CAMK2B: variants seen among roughly 807,000 people sequenced by gnomAD.
The protein encoded by CAMK2B is calcium/calmodulin dependent protein kinase II beta.
In CAMK2B, 27 loss-of-function variants were observed where a neutral mutation model predicts 93.7. The observed-to-expected ratio is 0.29, with a 90% CI of 0.21 to 0.40. The LOEUF is 0.40. Ranked by LOEUF, CAMK2B falls within the 10% of genes least tolerant of loss-of-function variation. CAMK2B has a pLI of 1.00. For missense variants in CAMK2B, 568 were observed against 895.8 expected, an observed-to-expected ratio of 0.63 and a Z score of 4.67; for synonymous variants, 374 against 358.8, an observed-to-expected ratio of 1.04 and a Z score of -0.48.
chr7:44,253,370 C>A lies in CAMK2B; in HGVS notation c.341+1172G>T, dbSNP rs1005650691. 3.3e-5 allele frequency among the ~76,000 whole-genome samples: 5 copies of A among 151,986 alleles called. No homozygotes were observed. The South Asian group carries it at 1.0e-3, about 32-fold the overall frequency. ...CTGGGATTACAGGCATGCGCCACCACGCCCGGCTAATTTTGTATTTTTAGT... is the reference window on the plus strand; with the variant it reads ...CTGGGATTACAGGCATGCGCCACCAAGCCCGGCTAATTTTGTATTTTTAGT... On this transcript the variant is annotated intron_variant, in intron 5 of 23. Transcript: ENST00000395749.
At chr7:44,264,739 A>C (rs1488985475) in intron 2 of CAMK2B, among the ~76,000 whole-genome samples, 1 of 152,134 alleles carries the variant, frequency 6.6e-6, no homozygotes, top group Non-Finnish European at 1.5e-5. Flanking sequence ...CTCCCACTGA[A>C]GTGGGAGCTG....
In CAMK2B at chr7:44,226,540, T is replaced by G; in HGVS notation, c.1573A>C (p.Ile525Leu). Residue 525 changes from isoleucine to leucine, a missense_variant, in exon 20 of 24, where the codon ATC (isoleucine) becomes CTC (leucine). By Grantham distance (5) the Ile-to-Leu change is conservative. Transcript: ENST00000395749. Reference sequence around the variant, plus strand: ...CATGGGGTGGGCAGGGGGCCAGGGATAGTCGGAGATGGGCAGGGCGGGGGC... The same window carrying G: ...CATGGGGTGGGCAGGGGGCCAGGGAGAGTCGGAGATGGGCAGGGCGGGGGC... ...VGPPPCPSPTIPGPLPTPSRK... is the reference protein window; with the variant it reads ...VGPPPCPSPTLPGPLPTPSRK... The G allele has an allele frequency of 1.4e-6, 2 of 1,467,020 alleles. No homozygotes were observed. The highest frequency in any genetic ancestry group is 1.8e-6 in the Non-Finnish European group (2 of 1,112,440). The allele number at this position is 1,467,020 out of a possible 1,614,324, so 90.9% of individuals were successfully genotyped here.
chr7:44,324,723 C>T (rs1215604655), intron 1 of CAMK2B, among the ~76,000 whole-genome samples: 1 of 152,190 alleles, frequency 6.6e-6, no homozygotes, highest in Non-Finnish European at 1.5e-5. Flanking sequence ...CTGATCCAGG[C>T]TCCCTGACCT....
Position 44,271,536 on chromosome 7 carries a change from G to C in CAMK2B, c.161-8472C>G, listed in dbSNP as rs891851678. ...ACAGAAAAGTGGGCATTGGCTGTGG[G>C]GTGGGGCAGGCAGAGGCCAGCTCAC... is the stretch of plus-strand genomic sequence containing the variant. On this transcript the variant is annotated intron_variant, in intron 2 of 23. Transcript: ENST00000395749. The surrounding 1 kb of genome is among the most constrained non-coding windows in gnomAD (Gnocchi z 4.2). Among the ~76,000 whole-genome samples the C allele has an allele frequency of 1.3e-5, 2 of 152,222 alleles. No homozygotes were observed. The highest frequency in any genetic ancestry group is 4.8e-5 in the African/African-American group (2 of 41,456).
intron 2 of CAMK2B, among the ~76,000 whole-genome samples, chr7:44,282,371 G>A (rs1379210904): frequency 1.3e-5 from 2 of 152,226 alleles, no homozygotes; most frequent in Non-Finnish European, 2.9e-5. Flanking sequence ...GCAGTCACAG[G>A]GCAGAAGGGA....
intron 18 of CAMK2B, 168 bp from the exon 19 acceptor site, chr7:44,229,092 G>A: frequency 1.4e-6 from 1 of 735,602 alleles, no homozygotes; most frequent in South Asian, 1.5e-5. Context: ...CCGCCCGCAA[G>A]CTGAGGTGGA....
intron 1 of CAMK2B, among the ~76,000 whole-genome samples, chr7:44,322,363 A>AC (rs1796324799): frequency 6.6e-6 from 1 of 152,258 alleles, no homozygotes; most frequent in Non-Finnish European, 1.5e-5. Flanking sequence ...GAAATGGGTT[A>AC]CTTAATATTT....
chr7:44,313,056 T>TC (rs1793966771), intron 1 of CAMK2B, among the ~76,000 whole-genome samples: 1 of 151,970 alleles, frequency 6.6e-6, no homozygotes, highest in African/African-American at 2.4e-5. Context: ...CTGGTGCGCT[T>TC]CCTCAGCAGC....
intron 5 of CAMK2B, among the ~76,000 whole-genome samples, chr7:44,247,911 C>T (rs2096746923): frequency 6.6e-6 from 1 of 152,084 alleles, no homozygotes; most frequent in South Asian, 2.1e-4. Flanking sequence ...GGCTGTAATC[C>T]CAGCTACTCA....
chr7:44,297,756 A>T (rs987189070), intron 1 of CAMK2B, among the ~76,000 whole-genome samples: 3 of 152,216 alleles, frequency 2.0e-5, no homozygotes, highest in African/African-American at 7.2e-5. Flanking sequence ...ATCTCCAGGG[A>T]CAAAAAAATG....
chr7:44,238,894 G>A (rs550141742), intron 13 of CAMK2B, among the ~76,000 whole-genome samples: 1 of 146,206 alleles, frequency 6.8e-6, no homozygotes, highest in African/African-American at 2.5e-5. Flanking sequence ...ATGGTCACAA[G>A]CCAGCAGGTG....
At chr7:44,239,691 GA>G in intron 12 of CAMK2B, 28 bp from the exon 13 acceptor site, 1 of 1,215,156 alleles carries the variant, frequency 8.2e-7, no homozygotes, top group Non-Finnish European at 1.1e-6. Context: ...GAGACGAGGG[GA>G]AGGGAGGGGT....
rs1361072740 is a variant in CAMK2B, at chr7:44,271,278, C to T, written c.161-8214G>A. The stretch of plus-strand genomic sequence containing the variant: ...AAACACCAGCCAGGCACACTCTGCA[C>T]CCTGCCTGGTACCAACACACTTAAC... On this transcript the variant is annotated intron_variant, in intron 2 of 23. Transcript: ENST00000395749. This position sits in a 1 kb window ranked among gnomAD's most constrained non-coding sequence, Gnocchi z 4.2. Among the ~76,000 whole-genome samples, 1 of 152,202 alleles carries T rather than the reference C, an allele frequency of 6.6e-6. No homozygotes were observed. Among genetic ancestry groups the T allele is most frequent in the Admixed American group, 6.5e-5 (1 of 15,282 alleles).
At chr7:44,267,150 GGACCTCACCCCATCAAGAGGA>G (rs1302184423) in intron 2 of CAMK2B, 1 of 152,222 alleles carries the variant, frequency 6.6e-6, no homozygotes, top group Non-Finnish European at 1.5e-5. Flanking sequence ...GACCTCCAGG[GGACCTCACCCCATCAAGAGGA>G]GACCCCTCTG....
intron 13 of CAMK2B, 22 bp from the exon 14 acceptor site, chr7:44,234,698 G>C: frequency 6.2e-7 from 1 of 1,613,654 alleles, no homozygotes; most frequent in African/African-American, 1.3e-5. Flanking sequence ...GGAGGAAGAA[G>C]GTATGGTGAG....
chr7:44,312,121 G>C lies in CAMK2B; in HGVS notation c.65+13236C>G, dbSNP rs567141207. Among the ~76,000 whole-genome samples, 1 of 152,226 alleles carries C rather than the reference G, an allele frequency of 6.6e-6. No individual in the cohort carries two copies. Among genetic ancestry groups the C allele is most frequent in the East Asian group, 1.9e-4 (1 of 5,194 alleles). On this transcript the variant is annotated intron_variant, in intron 1 of 23. Transcript: ENST00000395749. This position sits in a 1 kb window ranked among gnomAD's most constrained non-coding sequence, Gnocchi z 4.1. ...CCCACATTTACCCCAGGGCAGTGAG[G>C]CCACAGAAACAGCACTGGAGTCACA...
chr7:44,273,376 G>A (rs1213083239), intron 2 of CAMK2B, among the ~76,000 whole-genome samples: 1 of 152,112 alleles, frequency 6.6e-6, no homozygotes, highest in African/African-American at 2.4e-5. Context: ...AGTCATCCCC[G>A]TAACCCCAGG....
intron 2 of CAMK2B, among the ~76,000 whole-genome samples, chr7:44,263,761 G>C (rs1037736142): frequency 1.3e-5 from 2 of 152,156 alleles, no homozygotes; most frequent in Non-Finnish European, 2.9e-5. Flanking sequence ...AAAAACTGAT[G>C]GAGATTGTAA....
chr7:44,219,285 T>TG lies in CAMK2B; in HGVS notation c.*239_*240insC, dbSNP rs1554345548. 6.8e-6 allele frequency: 1 copy of TG among 147,132 alleles called. No homozygotes were observed. The highest frequency in any genetic ancestry group is 1.5e-5 in the Non-Finnish European group (1 of 66,114). The allele number at this position is 147,132 out of a possible 1,614,324, so 9.1% of individuals were successfully genotyped here. A position where few individuals can be genotyped will look rare whatever the true frequency, so the allele number is the denominator to read the frequency against. On this transcript the variant is annotated 3_prime_UTR_variant, in exon 24 of 24. Coordinates refer to ENST00000395749, the MANE Select transcript of CAMK2B (RefSeq NM_001220.5). ...TTTTCCTTCCTTTAGTTTTTTTTGT[T>TG]TTTTTTTTTTTTCATTTCATCTGAT...
Sources: gnomAD v4.1 joint callset for allele counts (sites outside exome capture counted in the v4.1 genomes callset) on GRCh38, gnomAD v4.1.1 for gene constraint, Gnocchi (gnomAD v3.1) non-coding constraint, MANE v1.5 for transcripts, NCBI Gene and HGNC (gene_info 2026-07-23, HGNC 2026-07-21) for gene names.